Variants in PHF20 observed in about 807,000 individuals in gnomAD.
PHF20 encodes glioma-expressed antigen 2.
A neutral mutation model predicts 113.5 loss-of-function variants in PHF20; 23 were observed. The ratio of observed to expected loss-of-function variants is 0.20; its 90% CI spans 0.15 to 0.29. The LOEUF (loss-of-function observed/expected upper bound fraction) is 0.29, where lower values mean the gene tolerates loss of function less well. PHF20 is among the 10% of genes least tolerant of loss of function. The pLI, the probability that PHF20 is intolerant of heterozygous loss-of-function variation, is 1.00. For synonymous variants in PHF20, 434 were observed against 457.3 expected (o/e 0.95, Z 0.65); for missense variants, 943 against 1,219.6 (o/e 0.77, Z 3.38).
At chr20:35,872,382 G>A (rs1258862290) in intron 9 of PHF20, among the ~76,000 whole-genome samples, 1 of 152,064 alleles carries the variant, frequency 6.6e-6, no homozygotes, top group East Asian at 1.9e-4. Context: ...AATTAGCTGG[G>A]CATGGTGGCA....
chr20:35,926,798 G>T (rs1418785326), intron 13 of PHF20, among the ~76,000 whole-genome samples: 1 of 152,152 alleles, frequency 6.6e-6, no homozygotes, highest in Non-Finnish European at 1.5e-5. Context: ...CTGAGCTCTG[G>T]ATTTCTAGTC....
At chr20:35,911,498 G>A (rs1450226200) in intron 10 of PHF20, among the ~76,000 whole-genome samples, 4 of 152,202 alleles carry the variant, frequency 2.6e-5, no homozygotes, top group Non-Finnish European at 4.4e-5. Context: ...CTATGTGGAC[G>A]TAAGTGATGC....
At chr20:35,791,537 GTATATATATA>G (rs59752864) in intron 1 of PHF20, among the ~76,000 whole-genome samples, 3 of 127,208 alleles carry the variant, frequency 2.4e-5, no homozygotes, top group Admixed American at 8.0e-5. Flanking sequence ...TTAGAATAGT[GTATATATATA>G]TATATATATA....
chr20:35,849,965 G>T (rs375295975), intron 4 of PHF20, among the ~76,000 whole-genome samples: 4 of 152,172 alleles, frequency 2.6e-5, no homozygotes, highest in East Asian at 3.8e-4. Flanking sequence ...GTGTGGAAGT[G>T]GCAGCTGCTG....
rs187252849 is a variant in PHF20 at position 35,870,683 on chromosome 20, A to G, written c.923-272A>G. ...AAGTTAGTACATTTGGGAAGCCCCA[A>G]AATAGAACATAGTTGTCAAGATTCG... On this transcript the variant is annotated intron_variant, in intron 7 of 17. Transcript: ENST00000374012. Among the ~76,000 whole-genome samples the G allele has an allele frequency of 3.4e-3, 508 of 149,764 alleles. 4 individuals carry two copies. Among genetic ancestry groups the G allele is most frequent in the Non-Finnish European group, 2.8e-3 (187 of 67,140 alleles).
intron 4 of PHF20, among the ~76,000 whole-genome samples, chr20:35,852,424 G>C (rs905980288): frequency 6.6e-6 from 1 of 152,124 alleles, no homozygotes; most frequent in Non-Finnish European, 1.5e-5. Context: ...GGACTCTTTT[G>C]AGCAGTTAGA....
At chr20:35,870,343 T>C (rs1240911100) in intron 7 of PHF20, among the ~76,000 whole-genome samples, 2 of 136,762 alleles carry the variant, frequency 1.5e-5, no homozygotes, top group Admixed American at 1.5e-4. Context: ...TAGCCGGGTG[T>C]GGTGGCGGGT....
At chr20:35,923,838 AGCTCCTGG>A (rs2055567921) in intron 13 of PHF20, among the ~76,000 whole-genome samples, 1 of 152,190 alleles carries the variant, frequency 6.6e-6, no homozygotes, top group Admixed American at 6.5e-5. Context: ...GGCAGCCTCC[AGCTCCTGG>A]GCTCAAGTGA....
At chr20:35,880,885 G>A (rs1279747599) in intron 9 of PHF20, among the ~76,000 whole-genome samples, 3 of 151,954 alleles carry the variant, frequency 2.0e-5, no homozygotes, top group South Asian at 2.1e-4. Context: ...TCTTGAGCTC[G>A]GGAGGCGGAG....
intron 6 of PHF20, among the ~76,000 whole-genome samples, chr20:35,865,299 G>A (rs1235785119): frequency 6.6e-6 from 1 of 151,882 alleles, no homozygotes; most frequent in Non-Finnish European, 1.5e-5. Context: ...CCAGAAGTTC[G>A]AGACCAGCCT....
chr20:35,789,668 T>A (rs2041499848), intron 1 of PHF20, among the ~76,000 whole-genome samples: 2 of 151,736 alleles, frequency 1.3e-5, no homozygotes, highest in Admixed American at 1.3e-4. Flanking sequence ...TGCCTTAGCC[T>A]CCTGAGTAGC....
chr20:35,792,058 G>A (rs2041567325), intron 1 of PHF20, among the ~76,000 whole-genome samples: 1 of 152,156 alleles, frequency 6.6e-6, no homozygotes, highest in East Asian at 1.9e-4. Context: ...CAGTAGTTTG[G>A]AATGAGTAAA....
chr20:35,923,903 C>T, intron 13 of PHF20, among the ~76,000 whole-genome samples: 1 of 152,112 alleles, frequency 6.6e-6, no homozygotes, highest in South Asian at 2.1e-4. Flanking sequence ...ATGCACACAA[C>T]ATCACACCTT....
At chr20:35,897,161 G>A (rs1434022986) in intron 9 of PHF20, among the ~76,000 whole-genome samples, 3 of 152,088 alleles carry the variant, frequency 2.0e-5, no homozygotes, top group Non-Finnish European at 4.4e-5. Context: ...AGCTTTCTGG[G>A]TAGCTGGGAC....
chr20:35,772,323 C>G (rs1462576926), intron 1 of PHF20, among the ~76,000 whole-genome samples: 1 of 150,536 alleles, frequency 6.6e-6, no homozygotes, highest in Non-Finnish European at 1.5e-5. Context: ...GTGGCGGCGG[C>G]TGCCGCCAAT....
chr20:35,882,563 G>A (rs2054654431), intron 9 of PHF20, among the ~76,000 whole-genome samples: 1 of 152,186 alleles, frequency 6.6e-6, no homozygotes, highest in African/African-American at 2.4e-5. Flanking sequence ...GAGTAGCTAG[G>A]ACTACAGACA....
At chr20:35,927,448 A>G (rs554702125) in intron 13 of PHF20, among the ~76,000 whole-genome samples, 3 of 152,244 alleles carry the variant, frequency 2.0e-5, no homozygotes, top group Non-Finnish European at 4.4e-5. Context: ...AAAGCCCAGG[A>G]GAACTAACCT....
At chr20:35,902,814 C>G (rs1204042739) in intron 10 of PHF20, among the ~76,000 whole-genome samples, 1 of 152,058 alleles carries the variant, frequency 6.6e-6, no homozygotes, top group African/African-American at 2.4e-5. Flanking sequence ...ACTAAATGAC[C>G]CAAGGGGAAA....
chr20:35,820,778 C>A (rs1023025618), intron 2 of PHF20, among the ~76,000 whole-genome samples: 1 of 151,842 alleles, frequency 6.6e-6, no homozygotes, highest in Non-Finnish European at 1.5e-5. Flanking sequence ...GGGTAGAGTG[C>A]CTCTATGTGT....
Sources: allele counts gnomAD v4.1 joint callset (sites outside exome capture counted in the v4.1 genomes callset), GRCh38; gene constraint gnomAD v4.1.1; transcripts MANE v1.5; gene names NCBI Gene and HGNC (gene_info 2026-07-23, HGNC 2026-07-21).